Variants in KIAA1217 observed in about 807,000 individuals in gnomAD.
The protein encoded by KIAA1217 is KIAA1217, also known as sickle tail protein homolog.
KIAA1217 carries 88 observed loss-of-function variants against 163.9 expected under a neutral mutation model. That is an observed-to-expected ratio of 0.54 (90% CI 0.45 to 0.64). The LOEUF is 0.64. Among genes scored for constraint, KIAA1217 ranks in the 30% least tolerant of loss-of-function variants. KIAA1217 has a pLI of 0.00. For synonymous variants in KIAA1217, 903 were observed against 923.1 expected (o/e 0.98, Z 0.39); for missense variants, 2,372 against 2,475.0 (o/e 0.96, Z 0.88).
chr10:24,039,821 TATAGATATAG>T (rs1381150115), intron 2 of KIAA1217, among the ~76,000 whole-genome samples: 4 of 151,518 alleles, frequency 2.6e-5, no homozygotes, highest in Non-Finnish European at 5.9e-5. Flanking sequence ...TAGATATAGA[TATAGATATAG>T]ATATAGATAT....
At chr10:23,912,189 G>A (rs1281635716) in intron 1 of KIAA1217, among the ~76,000 whole-genome samples, 1 of 152,232 alleles carries the variant, frequency 6.6e-6, no homozygotes, top group East Asian at 1.9e-4. Context: ...AAGGTTTCCA[G>A]TGGATTAGGC....
intron 2 of KIAA1217, among the ~76,000 whole-genome samples, chr10:24,233,710 A>G (rs2071775418): frequency 6.6e-6 from 1 of 152,240 alleles, no homozygotes; most frequent in South Asian, 2.1e-4. Context: ...ATACACAATC[A>G]GTATTGCATA....
intron 2 of KIAA1217, chr10:24,368,989 T>A: frequency 2.5e-6 from 1 of 392,206 alleles, no homozygotes; most frequent in Non-Finnish European, 3.5e-6. Context: ...AGGTTTCATA[T>A]GGAGTTGCAC....
At chr10:23,982,068 G>T (rs899212925) in intron 1 of KIAA1217, among the ~76,000 whole-genome samples, 8 of 151,736 alleles carry the variant, frequency 5.3e-5, no homozygotes, top group African/African-American at 1.9e-4. Flanking sequence ...CCATGTGCCT[G>T]GAAAAATTCA....
At chr10:23,948,269 C>T (rs140642845) in intron 1 of KIAA1217, among the ~76,000 whole-genome samples, 106 of 152,194 alleles carry the variant, frequency 7.0e-4, no homozygotes, top group Admixed American at 1.9e-3. Context: ...TAGTACCAAC[C>T]GCATAGGGTT....
intron 2 of KIAA1217, among the ~76,000 whole-genome samples, chr10:24,242,018 A>G (rs1049911578): frequency 1.3e-5 from 2 of 152,222 alleles, no homozygotes; most frequent in Non-Finnish European, 2.9e-5. Context: ...ATTAGGCTGC[A>G]TTGAGGACTC....
At position 24,544,477 on chromosome 10, in the gene KIAA1217, G is replaced by A. The variant is rs759096904; in HGVS notation, c.5207G>A (p.Arg1736His). 1.2e-5 allele frequency: 20 copies of A among 1,608,090 alleles called. No individual in the cohort carries two copies. Among genetic ancestry groups the A allele is most frequent in the East Asian group, 2.2e-5 (1 of 44,784 alleles). ...CCTACGTCGATACCTTCAGCTTCACGTAAGGTATCTTGGTCTGCTGGAAAA... is the reference window on the plus strand; with the variant it reads ...CCTACGTCGATACCTTCAGCTTCACATAAGGTATCTTGGTCTGCTGGAAAA... ...EPPTSIPSAS[R>H]KGSSGAPQTS... Residue 1736 changes from arginine (R) to histidine (H), a missense_variant, in exon 19 of 21, where the codon CGT becomes CAT. Arg to His is a conservative substitution (Grantham distance 29, BLOSUM62 0). Transcript: ENST00000376454.
Position 23,790,908 on chromosome 10 carries a change from T to A in KIAA1217, c.-321+95674T>A, listed in dbSNP as rs1835917001. Reference sequence around the variant, plus strand: ...TGCCACCAGGCCCAGTTAATTTATATATTTTTTTGTAGAGTCAGGGTTTTG... The same window carrying A: ...TGCCACCAGGCCCAGTTAATTTATAAATTTTTTTGTAGAGTCAGGGTTTTG... On this transcript the variant is annotated intron_variant, in intron 1 of 18. Transcript: ENST00000376462. Among the ~76,000 whole-genome samples the A allele has an allele frequency of 2.0e-5, 3 of 151,912 alleles. 1 individual carries two copies. The highest frequency in any genetic ancestry group is 4.4e-5 in the Non-Finnish European group (3 of 67,998).
chr10:23,834,899 A>C (rs1838375842), intron 1 of KIAA1217, among the ~76,000 whole-genome samples: 1 of 152,152 alleles, frequency 6.6e-6, no homozygotes, highest in African/African-American at 2.4e-5. Flanking sequence ...GTATTCATAA[A>C]ATAAATTTGA....
intron 6 of KIAA1217, among the ~76,000 whole-genome samples, chr10:24,477,323 A>G (rs2064155769): frequency 2.0e-5 from 3 of 152,218 alleles, no homozygotes; most frequent in Admixed American, 1.3e-4. Flanking sequence ...GATATGTACT[A>G]TCATCATCTC....
At chr10:24,045,654 T>G (rs989982002) in intron 2 of KIAA1217, among the ~76,000 whole-genome samples, 1 of 152,192 alleles carries the variant, frequency 6.6e-6, no homozygotes, top group Non-Finnish European at 1.5e-5. Context: ...AAATTCTGAT[T>G]ATTTGGGGAC....
intron 1 of KIAA1217, among the ~76,000 whole-genome samples, chr10:23,745,113 C>G (rs1839326430): frequency 6.6e-6 from 1 of 152,210 alleles, no homozygotes; most frequent in South Asian, 2.1e-4. Context: ...CCTCCAAAGA[C>G]TGACGCAGGA....
Position 23,928,964 on chromosome 10 carries a change from A to C in KIAA1217, c.-320-78261A>C, listed in dbSNP as rs900403455. ...TGACAAGTCAACTATGCAAAGGTCTAGACAACGAACTGTAAGGGCAGAGGT... is the reference window on the plus strand; with the variant it reads ...TGACAAGTCAACTATGCAAAGGTCTCGACAACGAACTGTAAGGGCAGAGGT... On this transcript the variant is annotated intron_variant, in intron 1 of 18. Coordinates refer to the KIAA1217 transcript ENST00000376462. Among the ~76,000 whole-genome samples the C allele has an allele frequency of 2.0e-5, 3 of 152,176 alleles. No individual in the cohort carries two copies. In the South Asian group the frequency reaches 6.2e-4, roughly 32 times the overall value.
chr10:23,883,728 T>G (rs1841052267), intron 1 of KIAA1217, among the ~76,000 whole-genome samples: 1 of 151,928 alleles, frequency 6.6e-6, no homozygotes, highest in Non-Finnish European at 1.5e-5. Flanking sequence ...TATTACAGCA[T>G]CATACAGAAT....
At chr10:23,870,945 T>C (rs1032773252) in intron 1 of KIAA1217, among the ~76,000 whole-genome samples, 1 of 152,112 alleles carries the variant, frequency 6.6e-6, no homozygotes, top group Non-Finnish European at 1.5e-5. Context: ...TAAGGTCACA[T>C]GGCTACAATT....
intron 2 of KIAA1217, among the ~76,000 whole-genome samples, chr10:24,353,808 AT>A (rs1318538661): frequency 2.0e-5 from 3 of 152,248 alleles, no homozygotes; most frequent in East Asian, 3.8e-4. Flanking sequence ...AGGGATGAGC[AT>A]TACACTTCTT....
chr10:23,861,564 GA>G (rs1249268896), intron 1 of KIAA1217, among the ~76,000 whole-genome samples: 1 of 152,166 alleles, frequency 6.6e-6, no homozygotes, highest in Non-Finnish European at 1.5e-5. Flanking sequence ...TTTGAAAGTA[GA>G]GAACTTTCTC....
At chr10:23,804,008 C>T (rs974842630) in intron 1 of KIAA1217, among the ~76,000 whole-genome samples, 2 of 151,954 alleles carry the variant, frequency 1.3e-5, no homozygotes, top group African/African-American at 4.8e-5. Context: ...AAAATATAGA[C>T]CTAAAATAAT....
At chr10:24,001,775 C>T (rs913809309) in intron 1 of KIAA1217, among the ~76,000 whole-genome samples, 2 of 152,142 alleles carry the variant, frequency 1.3e-5, no homozygotes, top group Admixed American at 1.3e-4. Context: ...AAACTCAAAC[C>T]CTGAGCATCT....
Sources: allele counts gnomAD v4.1 joint callset (sites outside exome capture counted in the v4.1 genomes callset), GRCh38; gene constraint gnomAD v4.1.1; transcripts MANE v1.5; gene names NCBI Gene and HGNC (gene_info 2026-07-23, HGNC 2026-07-21).